Variants in NAA50 observed in about 807,000 individuals in gnomAD.
The protein encoded by NAA50 is N-alpha-acetyltransferase 50.
A neutral mutation model predicts 20.7 loss-of-function variants in NAA50; 7 were observed. That is an observed-to-expected ratio of 0.34 (90% CI 0.19 to 0.63). The LOEUF is 0.63. Ranked by LOEUF, NAA50 falls within the 30% of genes least tolerant of loss-of-function variation. The pLI is 0.75. For synonymous variants in NAA50, 54 were observed against 70.6 expected (o/e 0.77, Z 1.18); for missense variants, 111 against 199.1 (o/e 0.56, Z 2.66).
chr3:113,729,835 G>A (rs1052863685), intron 1 of NAA50, among the ~76,000 whole-genome samples: 11 of 152,096 alleles, frequency 7.2e-5, no homozygotes, highest in Non-Finnish European at 1.5e-5. Flanking sequence ...TGGGATTACA[G>A]GGATGAGCCA....
At chr3:113,731,428 C>T (rs768907130) in intron 1 of NAA50, among the ~76,000 whole-genome samples, 8 of 152,070 alleles carry the variant, frequency 5.3e-5, no homozygotes, top group Non-Finnish European at 8.8e-5. Context: ...TGTATGAACT[C>T]CCTCTTTCTT....
Position 113,746,173 on chromosome 3 carries a change from C to G in NAA50, c.-224G>C, listed in dbSNP as rs552028254. On this transcript the variant is annotated 5_prime_UTR_variant, in exon 1 of 5. Coordinates refer to ENST00000240922, the MANE Select transcript of NAA50 (RefSeq NM_025146.4). ...CCGCCGCGCTTGTGCCGCCGCTTCT[C>G]CACACGTGCACTCGGGTCTCTCGGC... The G allele has an allele frequency of 5.4e-6, 3 of 551,310 alleles. No individual in the cohort carries two copies. The Admixed American group carries it at 1.2e-4, about 21-fold the overall frequency. 34.2% of individuals were successfully genotyped at this position (551,310 alleles called of 1,614,324 possible). A position where few individuals can be genotyped will look rare whatever the true frequency, so the allele number is the denominator to read the frequency against.
At chr3:113,728,847 T>C (rs767366123) in intron 1 of NAA50, among the ~76,000 whole-genome samples, 11 of 152,212 alleles carry the variant, frequency 7.2e-5, no homozygotes, top group Non-Finnish European at 1.3e-4. Context: ...TTTCAAATCT[T>C]TGTTCCAAAA....
At chr3:113,733,017 ATTT>A (rs367598474) in intron 1 of NAA50, among the ~76,000 whole-genome samples, 1 of 140,738 alleles carries the variant, frequency 7.1e-6, no homozygotes, top group Non-Finnish European at 1.6e-5. Context: ...GCTATTAGCC[ATTT>A]TTTTTTTTTT....
rs539671750 is a variant in NAA50 at position 113,718,224 on chromosome 3, G to A, written c.*3536C>T. The A allele has an allele frequency of 2.0e-5, 3 of 152,304 alleles. No individual in the cohort carries two copies. Among genetic ancestry groups the A allele is most frequent in the African/African-American group, 7.2e-5 (3 of 41,544 alleles). The allele number at this position is 152,304 out of a possible 1,614,324, so 9.4% of individuals were successfully genotyped here. A position where few individuals can be genotyped will look rare whatever the true frequency, so the allele number is the denominator to read the frequency against. On this transcript the variant is annotated 3_prime_UTR_variant, in exon 5 of 5. Coordinates refer to ENST00000240922, the MANE Select transcript of NAA50 (RefSeq NM_025146.4). ...CTGTGTGTGATACCCACACAGTGAG[G>A]AACAGAAGCCCAAGAGCCACGTAAG...
rs957362044 is a variant in NAA50, at chr3:113,720,935, G to A, written c.*825C>T. On this transcript the variant is annotated 3_prime_UTR_variant, in exon 5 of 5. Coordinates refer to ENST00000240922, the MANE Select transcript of NAA50 (RefSeq NM_025146.4). ...TTGGGTTTACTGAAGAAAAAGGAACGGGAAAAAATTAAATCACAACACACC... is the reference window on the plus strand; with the variant it reads ...TTGGGTTTACTGAAGAAAAAGGAACAGGAAAAAATTAAATCACAACACACC... 2.0e-5 allele frequency: 3 copies of A among 152,286 alleles called. No individual in the cohort carries two copies. The highest frequency in any genetic ancestry group is 2.9e-5 in the Non-Finnish European group (2 of 67,924). The allele number at this position is 152,286 out of a possible 1,614,324, so 9.4% of individuals were successfully genotyped here. A position where few individuals can be genotyped will look rare whatever the true frequency, so the allele number is the denominator to read the frequency against.
intron 1 of NAA50, among the ~76,000 whole-genome samples, chr3:113,731,767 G>A (rs879602199): frequency 1.3e-5 from 2 of 152,100 alleles, no homozygotes; most frequent in East Asian, 1.9e-4. Flanking sequence ...TGATTTTGAC[G>A]TTCACCTCTG....
Position 113,745,979 on chromosome 3 carries a change from A to G in NAA50, c.-30T>C. 5 of 1,604,696 alleles carry G rather than the reference A, an allele frequency of 3.1e-6. No homozygotes were observed. The highest frequency in any genetic ancestry group is 4.2e-6 in the Non-Finnish European group (5 of 1,179,114). The stretch of plus-strand genomic sequence containing the variant: ...CCCGCCTGCTGAGGCCGTCGTTACC[A>G]CCGATATCAACGCCGTCGTAGTCGC... On this transcript the variant is annotated 5_prime_UTR_variant, in exon 1 of 5. Coordinates refer to ENST00000240922, the MANE Select transcript of NAA50 (RefSeq NM_025146.4).
At chr3:113,724,879 C>A (rs1387701615) in intron 1 of NAA50, among the ~76,000 whole-genome samples, 2 of 152,162 alleles carry the variant, frequency 1.3e-5, no homozygotes, top group African/African-American at 4.8e-5. Context: ...TTTCTCCTTC[C>A]TGCCACCATG....
rs999991414 is a variant in NAA50, at chr3:113,719,679, T to C, written c.*2081A>G. ...ATATAATGATAGGGAGCCTACACAC[T>C]CAATTCAAAATTTAATATTTTTTCC... On this transcript the variant is annotated 3_prime_UTR_variant, in exon 5 of 5. Coordinates refer to ENST00000240922, the MANE Select transcript of NAA50 (RefSeq NM_025146.4). 1.3e-5 allele frequency: 2 copies of C among 152,556 alleles called. No individual in the cohort carries two copies. Among genetic ancestry groups the C allele is most frequent in the Non-Finnish European group, 2.9e-5 (2 of 68,012 alleles). 9.5% of individuals were successfully genotyped at this position (152,556 alleles called of 1,614,324 possible). A position where few individuals can be genotyped will look rare whatever the true frequency, so the allele number is the denominator to read the frequency against.
At position 113,740,105 on chromosome 3, in the gene NAA50, G is replaced by GT. The variant is rs568401152; in HGVS notation, c.8+5836dup. ...AAATAAAACTTATTTTCCCTTAGAAGTTTTTTTTCATTCAAGTTTAGCATC... is the reference window on the plus strand; with the variant it reads ...AAATAAAACTTATTTTCCCTTAGAAGTTTTTTTTTCATTCAAGTTTAGCATC... On this transcript the variant is annotated intron_variant, in intron 1 of 4. Transcript: ENST00000240922. Among the ~76,000 whole-genome samples the GT allele has an allele frequency of 2.0e-4, 30 of 151,688 alleles. No individual in the cohort carries two copies. The East Asian group carries it at 4.6e-3, about 23-fold the overall frequency.
chr3:113,741,772 G>C (rs1229591274), intron 1 of NAA50, among the ~76,000 whole-genome samples: 1 of 152,172 alleles, frequency 6.6e-6, no homozygotes, highest in Non-Finnish European at 1.5e-5. Context: ...GCTTTCCTAA[G>C]AGTTGTCTGC....
At chr3:113,734,077 A>G (rs905783608) in intron 1 of NAA50, among the ~76,000 whole-genome samples, 9 of 152,182 alleles carry the variant, frequency 5.9e-5, no homozygotes, top group African/African-American at 1.9e-4. Context: ...CATTTCATAA[A>G]TGTTTAAAGA....
chr3:113,733,936 C>A (rs1230073426), intron 1 of NAA50, among the ~76,000 whole-genome samples: 1 of 148,228 alleles, frequency 6.7e-6, no homozygotes. Flanking sequence ...AAGGATACTA[C>A]ATCTAGAGTT....
intron 1 of NAA50, among the ~76,000 whole-genome samples, chr3:113,728,079 T>TAAAAAAAAAAAAAAAAAAA (rs11429752): frequency 7.1e-6 from 1 of 140,722 alleles, no homozygotes; most frequent in Non-Finnish European, 1.5e-5. Flanking sequence ...AACACGGAGT[T>TAAAAAAAAAAAAAAAAAAA]AAAAAAAAAA....
At chr3:113,737,773 A>G (rs958328780) in intron 1 of NAA50, among the ~76,000 whole-genome samples, 1 of 152,000 alleles carries the variant, frequency 6.6e-6, no homozygotes, top group African/African-American at 2.4e-5. Context: ...CCTAGATTTT[A>G]CCCACTGGGT....
intron 1 of NAA50, among the ~76,000 whole-genome samples, chr3:113,739,198 A>G (rs1226494859): frequency 6.6e-6 from 1 of 152,200 alleles, no homozygotes; most frequent in South Asian, 2.1e-4. Context: ...TATTTCTATC[A>G]TTTTAATGTA....
chr3:113,737,945 C>T (rs1321439354), intron 1 of NAA50, among the ~76,000 whole-genome samples: 1 of 152,124 alleles, frequency 6.6e-6, no homozygotes, highest in Non-Finnish European at 1.5e-5. Flanking sequence ...TAGCTCAGGC[C>T]TGTAATCCCA....
At chr3:113,725,275 T>C (rs1215057005) in intron 1 of NAA50, among the ~76,000 whole-genome samples, 1 of 152,174 alleles carries the variant, frequency 6.6e-6, no homozygotes, top group Non-Finnish European at 1.5e-5. Context: ...GCTCCATCCG[T>C]ATTATTTGCC....
Sources: gnomAD v4.1 joint callset for allele counts (sites outside exome capture counted in the v4.1 genomes callset) on GRCh38, gnomAD v4.1.1 for gene constraint, MANE v1.5 for transcripts, NCBI Gene and HGNC (gene_info 2026-07-23, HGNC 2026-07-21) for gene names.